The following INVS variants were observed in gnomAD, a reference collection of about 807,000 sequenced individuals.
The protein encoded by INVS is inversion of embryo turning homolog.
In INVS, 86 loss-of-function variants were observed where a neutral mutation model predicts 108.8. That is an observed-to-expected ratio of 0.79 (90% CI 0.66 to 0.95). INVS has a LOEUF of 0.95. Among genes scored for constraint, INVS ranks in the 40% least tolerant of loss-of-function variants. The pLI, the probability that INVS is intolerant of heterozygous loss-of-function variation, is 0.00. For missense variants in INVS, 1,169 were observed against 1,297.4 expected (o/e 0.90, Z 1.52); for synonymous variants, 455 against 473.5 (o/e 0.96, Z 0.51).
intron 3 of INVS, among the ~76,000 whole-genome samples, chr9:100,146,733 GAA>G (rs1255470143): frequency 1.3e-5 from 2 of 152,198 alleles, no homozygotes; most frequent in Non-Finnish European, 2.9e-5. Flanking sequence ...AAAGGAAAGA[GAA>G]AATAACAGAG....
chr9:100,173,932 C>T (rs1829626482), intron 3 of INVS, among the ~76,000 whole-genome samples: 1 of 152,200 alleles, frequency 6.6e-6, no homozygotes, highest in Non-Finnish European at 1.5e-5. Flanking sequence ...GCAGGAAAAA[C>T]ATAATTTAGA....
At chr9:100,122,528 A>C (rs1421188345) in intron 2 of INVS, among the ~76,000 whole-genome samples, 1 of 146,196 alleles carries the variant, frequency 6.8e-6, no homozygotes, top group Non-Finnish European at 1.5e-5. Context: ...TAGTTTTGCT[A>C]ATTCTTTGAC....
chr9:100,267,121 C>T lies in INVS; in HGVS notation c.1571+2193C>T, dbSNP rs111248128. Among the ~76,000 whole-genome samples the T allele has an allele frequency of 3.9e-3, 593 of 151,410 alleles. 5 individuals are homozygous for T. The highest frequency in any genetic ancestry group is 0.013 in the African/African-American group (542 of 41,266). On this transcript the variant is annotated intron_variant, in intron 11 of 16. Coordinates refer to ENST00000262457, the MANE Select transcript of INVS (RefSeq NM_014425.5). Reference sequence around the variant, plus strand: ...ATTTATTCTGTGTAACAGCATTTACCGCCTGACTGCTATATTTTTAAGGAA... The same window carrying T: ...ATTTATTCTGTGTAACAGCATTTACTGCCTGACTGCTATATTTTTAAGGAA...
chr9:100,163,230 A>C (rs1490362746), intron 3 of INVS, among the ~76,000 whole-genome samples: 2 of 148,078 alleles, frequency 1.4e-5, no homozygotes, highest in Admixed American at 1.3e-4. Context: ...TTTCCTCCCA[A>C]ATGCTCCCAA....
At position 100,292,542 on chromosome 9, in the gene INVS, G is replaced by A. The variant is rs753540322; in HGVS notation, c.2285G>A (p.Arg762Gln). 1.4e-5 allele frequency: 22 copies of A among 1,614,120 alleles called. No homozygotes were observed. The highest frequency in any genetic ancestry group is 2.2e-5 in the East Asian group (1 of 44,870). Residue 762 changes from arginine (R) to glutamine (Q), a missense_variant, in exon 14 of 17, where the codon CGG becomes CAG. Transcript: ENST00000262457. The stretch of plus-strand genomic sequence containing the variant: ...GATGAGAAAGGAGAGGACTCCAGGC[G>A]GGCAGCTGCAAGCCTTCCACCGCAC... ...GPDEKGEDSR[R>Q]AAASLPPHDS...
chr9:100,292,762 G>A lies in INVS; in HGVS notation c.2505G>A (p.Val835=). The A allele has an allele frequency of 6.2e-7, 1 of 1,614,134 alleles. No homozygotes were observed. Among genetic ancestry groups the A allele is most frequent in the Non-Finnish European group, 8.5e-7 (1 of 1,180,022 alleles). The change falls in exon 14 of 17, where the codon GTG becomes GTA. Residue 835 remains valine (V), a synonymous_variant. Transcript: ENST00000262457. The stretch of plus-strand genomic sequence containing the variant: ...ACCATCGTACACCAAGAAACAAAGT[G>A]ACACAAGCCAAGCTCACAGGAGGGC... ...PPHHRTPRNK[V]TQAKLTGGLY...
At chr9:100,226,308 AG>A in intron 4 of INVS, 73 bp downstream of exon 4, 1 of 1,325,964 alleles carries the variant, frequency 7.5e-7, no homozygotes, top group Non-Finnish European at 1.1e-6. Flanking sequence ...TGAAATTTCA[AG>A]GAAGAAGGCC....
intron 3 of INVS, among the ~76,000 whole-genome samples, chr9:100,214,089 G>T (rs10989018): frequency 0.19 from 29,546 of 152,000 alleles, 4,581 homozygotes; most frequent in African/African-American, 0.44. Context: ...GTCTCATACA[G>T]CACTTACTTA....
At chr9:100,186,327 A>G (rs927709917) in intron 3 of INVS, among the ~76,000 whole-genome samples, 4 of 151,794 alleles carry the variant, frequency 2.6e-5, no homozygotes, top group Admixed American at 6.6e-5. Context: ...TTTTTTTTGT[A>G]TTTTTAGTAG....
At chr9:100,158,722 G>T (rs1829077525) in intron 3 of INVS, among the ~76,000 whole-genome samples, 1 of 152,200 alleles carries the variant, frequency 6.6e-6, no homozygotes, top group Admixed American at 6.5e-5. Flanking sequence ...CTGTATTTAT[G>T]CTATAGTTTG....
chr9:100,116,709 A>G (rs1008234237), intron 2 of INVS: 1 of 626,000 alleles, frequency 1.6e-6, no homozygotes, highest in Admixed American at 4.0e-5. Context: ...TTTATTTTTT[A>G]TTTTTTTAAC....
chr9:100,176,902 A>G (rs1302843241), intron 3 of INVS, among the ~76,000 whole-genome samples: 2 of 151,998 alleles, frequency 1.3e-5, no homozygotes, highest in Non-Finnish European at 2.9e-5. Flanking sequence ...GCTAATATTT[A>G]TAGACAGCGG....
intron 3 of INVS, among the ~76,000 whole-genome samples, chr9:100,183,794 GAAAAA>G (rs67231511): frequency 8.7e-5 from 6 of 68,714 alleles, no homozygotes; most frequent in African/African-American, 2.0e-4. Context: ...CTGTTTCAGG[GAAAAA>G]AAAAAAAAAA....
intron 2 of INVS, among the ~76,000 whole-genome samples, chr9:100,116,191 C>T (rs888432574): frequency 1.8e-4 from 27 of 151,620 alleles, no homozygotes; most frequent in Non-Finnish European, 3.7e-4. Flanking sequence ...GCAACCTCCG[C>T]CTCCCGGGTT....
At chr9:100,154,705 A>C (rs1465674414) in intron 3 of INVS, among the ~76,000 whole-genome samples, 2 of 152,112 alleles carry the variant, frequency 1.3e-5, no homozygotes, top group African/African-American at 2.4e-5. Flanking sequence ...GCTAAAGAGC[A>C]TGTGTAACCT....
intron 3 of INVS, among the ~76,000 whole-genome samples, chr9:100,154,331 A>ATTTTTTGTTTTTT (rs1828899358): frequency 1.5e-5 from 1 of 68,580 alleles, no homozygotes; most frequent in African/African-American, 7.7e-5. Context: ...CAACCGACTA[A>ATTTTTTGTTTTTT]TTTTTTTTTT....
chr9:100,163,635 A>C (rs1829263817), intron 3 of INVS, among the ~76,000 whole-genome samples: 1 of 152,178 alleles, frequency 6.6e-6, no homozygotes, highest in African/African-American at 2.4e-5. Flanking sequence ...GGTGATAGGG[A>C]GTGTAGGGAT....
chr9:100,296,204 A>G lies in INVS; in HGVS notation c.2787-713A>G, dbSNP rs79485277. Among the ~76,000 whole-genome samples the G allele has an allele frequency of 4.8e-3, 731 of 152,266 alleles. 7 individuals carry two copies. The highest frequency in any genetic ancestry group is 0.016 in the African/African-American group (685 of 41,554). ...ATAAAGACAGATACAGATAATAAAC[A>G]TTGCTGCAGCTTTCCTTTGGAGGCC... On this transcript the variant is annotated intron_variant, in intron 14 of 16. Coordinates refer to ENST00000262457, the MANE Select transcript of INVS (RefSeq NM_014425.5).
Position 100,258,536 on chromosome 9 carries a change from T to C in INVS, c.1464+5400T>C, listed in dbSNP as rs1428402851. Among the ~76,000 whole-genome samples, 4 of 152,206 alleles carry C rather than the reference T, an allele frequency of 2.6e-5. No individual in the cohort carries two copies. In the East Asian group the frequency reaches 7.7e-4, roughly 29 times the overall value. ...TTCTACTCTGGTTTCTCCCCATCTT[T>C]GTGGTTTTATGGTCTTTGGTCTTTG... On this transcript the variant is annotated intron_variant, in intron 10 of 16. Coordinates refer to ENST00000262457, the MANE Select transcript of INVS (RefSeq NM_014425.5).
Sources: gnomAD v4.1 joint callset for allele counts (sites outside exome capture counted in the v4.1 genomes callset) on GRCh38, gnomAD v4.1.1 for gene constraint, MANE v1.5 for transcripts, NCBI Gene and HGNC (gene_info 2026-07-23, HGNC 2026-07-21) for gene names.